The following KIAA1217 variants were observed in gnomAD, a reference collection of about 807,000 sequenced individuals.
KIAA1217 encodes the protein sickle tail protein homolog.
In KIAA1217, 88 loss-of-function variants were observed where a neutral mutation model predicts 163.9. The observed-to-expected ratio is 0.54, with a 90% CI of 0.45 to 0.64. The LOEUF is 0.64. Ranked by LOEUF, KIAA1217 falls within the 30% of genes least tolerant of loss-of-function variation. The pLI is 0.00. For synonymous variants in KIAA1217, 903 were observed against 923.1 expected, an observed-to-expected ratio of 0.98 and a Z score of 0.39; for missense variants, 2,372 against 2,475.0, an observed-to-expected ratio of 0.96 and a Z score of 0.88.
chr10:24,421,033 C>T, intron 3 of KIAA1217, among the ~76,000 whole-genome samples: 1 of 152,138 alleles, frequency 6.6e-6, no homozygotes, highest in African/African-American at 2.4e-5. Flanking sequence ...GAGGTGGAGT[C>T]TTGCTCTGTC....
intron 2 of KIAA1217, among the ~76,000 whole-genome samples, chr10:24,293,416 T>C (rs944033285): frequency 3.3e-5 from 5 of 152,192 alleles, no homozygotes; most frequent in Non-Finnish European, 7.3e-5. Flanking sequence ...TCTCTTGACC[T>C]TGCTGCCTCT....
chr10:23,740,659 C>T (rs1190890521), intron 1 of KIAA1217, among the ~76,000 whole-genome samples: 2 of 152,102 alleles, frequency 1.3e-5, no homozygotes, highest in African/African-American at 4.8e-5. Context: ...TATACCTGGC[C>T]TTGTTTTGAT....
chr10:24,335,931 G>A (rs980928538), intron 2 of KIAA1217, among the ~76,000 whole-genome samples: 1 of 152,236 alleles, frequency 6.6e-6, no homozygotes, highest in South Asian at 2.1e-4. Context: ...ACTTGAAATG[G>A]GTACATTTGG....
At chr10:24,449,149 A>G (rs1005677397) in intron 5 of KIAA1217, among the ~76,000 whole-genome samples, 10 of 152,220 alleles carry the variant, frequency 6.6e-5, no homozygotes, top group African/African-American at 2.4e-4. Flanking sequence ...ACACATTTGA[A>G]TACAGTGGCT....
At chr10:24,480,440 G>A (rs1480668135) in intron 6 of KIAA1217, among the ~76,000 whole-genome samples, 2 of 152,184 alleles carry the variant, frequency 1.3e-5, no homozygotes, top group African/African-American at 4.8e-5. Context: ...ACTTGTAATG[G>A]ACTTCCAAGC....
At chr10:23,910,981 A>G (rs1477216256) in intron 1 of KIAA1217, among the ~76,000 whole-genome samples, 3 of 152,192 alleles carry the variant, frequency 2.0e-5, no homozygotes, top group East Asian at 1.9e-4. Context: ...ATTAAGGATG[A>G]CTGCCTATCC....
chr10:24,102,257 T>C (rs553112646), intron 2 of KIAA1217, among the ~76,000 whole-genome samples: 69 of 152,196 alleles, frequency 4.5e-4, no homozygotes, highest in African/African-American at 1.6e-3. Context: ...CAATAAACAA[T>C]TGAGACTTGA....
At chr10:24,246,373 G>A in intron 2 of KIAA1217, among the ~76,000 whole-genome samples, 1 of 152,154 alleles carries the variant, frequency 6.6e-6, no homozygotes, top group East Asian at 1.9e-4. Flanking sequence ...TTGTATCTGT[G>A]CATGTGGGAA....
intron 1 of KIAA1217, among the ~76,000 whole-genome samples, chr10:23,853,092 A>C (rs1440862198): frequency 5.9e-5 from 9 of 152,162 alleles, no homozygotes; most frequent in African/African-American, 1.9e-4. Flanking sequence ...GTCTTGTGCC[A>C]GTTTTCAAAG....
At chr10:24,305,331 G>T (rs2041887446) in intron 2 of KIAA1217, among the ~76,000 whole-genome samples, 1 of 152,166 alleles carries the variant, frequency 6.6e-6, no homozygotes, top group Non-Finnish European at 1.5e-5. Context: ...GTGTCCTAAA[G>T]AACCATCTTA....
chr10:24,357,455 G>A (rs532387401), intron 2 of KIAA1217, among the ~76,000 whole-genome samples: 18 of 152,108 alleles, frequency 1.2e-4, no homozygotes, highest in Non-Finnish European at 1.6e-4. Flanking sequence ...CTAAAGCAAG[G>A]CCCCTTTGGA....
At chr10:23,884,862 G>C (rs1299389480) in intron 1 of KIAA1217, among the ~76,000 whole-genome samples, 1 of 151,836 alleles carries the variant, frequency 6.6e-6, no homozygotes, top group African/African-American at 2.4e-5. Flanking sequence ...CTGGCACCTG[G>C]TAATTCCCAG....
At chr10:23,781,903 T>C (rs182543773) in intron 1 of KIAA1217, among the ~76,000 whole-genome samples, 309 of 152,298 alleles carry the variant, frequency 2.0e-3, no homozygotes, top group Non-Finnish European at 2.0e-3. Flanking sequence ...ATTTCTAGGC[T>C]CTGTATTCTG....
chr10:23,794,046 C>G (rs949887091), intron 1 of KIAA1217, among the ~76,000 whole-genome samples: 3 of 152,096 alleles, frequency 2.0e-5, no homozygotes, highest in African/African-American at 7.2e-5. Context: ...TAAAAATATC[C>G]TTTAACATCG....
intron 1 of KIAA1217, among the ~76,000 whole-genome samples, chr10:23,909,656 G>C (rs1443664299): frequency 1.3e-5 from 2 of 152,256 alleles, no homozygotes; most frequent in Non-Finnish European, 2.9e-5. Flanking sequence ...GTATTCCATG[G>C]TGTATATGTG....
In KIAA1217 at chr10:24,487,742, C is replaced by G. The variant is rs555737130; in HGVS notation, c.1680-6758C>G. Among the ~76,000 whole-genome samples, 32 of 152,306 alleles carry G rather than the reference C, an allele frequency of 2.1e-4. 1 individual carries two copies. The East Asian group carries it at 6.0e-3, about 29-fold the overall frequency. On this transcript the variant is annotated intron_variant, in intron 6 of 20. Transcript: ENST00000376454. ...GAGCCCCTTTGTTAGGTTACAGACT[C>G]TTTCCTGACTTGGGAAAAGTGCCTA...
intron 2 of KIAA1217, among the ~76,000 whole-genome samples, chr10:24,057,880 T>C (rs750608577): frequency 1.3e-5 from 2 of 152,186 alleles, no homozygotes; most frequent in East Asian, 1.9e-4. Context: ...TAGCCTCCTT[T>C]GCTGTGCAGA....
At chr10:24,460,686 C>G (rs2062310996) in intron 5 of KIAA1217, among the ~76,000 whole-genome samples, 1 of 152,170 alleles carries the variant, frequency 6.6e-6, no homozygotes, top group South Asian at 2.1e-4. Flanking sequence ...TCCACAGACA[C>G]AGCTCACTTT....
intron 1 of KIAA1217, among the ~76,000 whole-genome samples, chr10:23,981,638 G>T (rs1042299542): frequency 6.6e-6 from 1 of 152,110 alleles, no homozygotes; most frequent in South Asian, 2.1e-4. Context: ...TTGTTATTCA[G>T]CCTGGAGTCG....
Sources: gnomAD v4.1 joint callset for allele counts (sites outside exome capture counted in the v4.1 genomes callset) on GRCh38, gnomAD v4.1.1 for gene constraint, MANE v1.5 for transcripts, NCBI Gene and HGNC (gene_info 2026-07-23, HGNC 2026-07-21) for gene names.